The following TEK variants were observed in gnomAD, a reference collection of about 807,000 sequenced individuals.
The protein encoded by TEK is angiopoietin-1 receptor.
In TEK, 43 loss-of-function variants were observed where a neutral mutation model predicts 131.8. The ratio of observed to expected loss-of-function variants is 0.33; its 90% CI spans 0.26 to 0.42. The LOEUF (loss-of-function observed/expected upper bound fraction) is 0.42. Among genes scored for constraint, TEK ranks in the 10% least tolerant of loss-of-function variants. TEK has a pLI of 1.00. For missense variants in TEK, 1,162 were observed against 1,384.4 expected, an observed-to-expected ratio of 0.84 and a Z score of 2.55; for synonymous variants, 580 against 491.6, an observed-to-expected ratio of 1.18 and a Z score of -2.38.
At chr9:27,187,814 G>A (rs1173921070) in intron 9 of TEK, among the ~76,000 whole-genome samples, 1 of 152,008 alleles carries the variant, frequency 6.6e-6, no homozygotes, top group South Asian at 2.1e-4. Flanking sequence ...CAGGTACAGG[G>A]TCTTCCCTTT....
In TEK at chr9:27,172,767, A is replaced by G; in HGVS notation, c.760+20A>G. ...AGAAGGGTAAGTAAAGAGACTTGAT[A>G]AGTAAGCTGTGGATTTAAAAAGCCA... On this transcript the variant is annotated intron_variant, in intron 5 of 22. Coordinates refer to ENST00000380036, the MANE Select transcript of TEK (RefSeq NM_000459.5). 1 of 1,612,900 alleles carries G rather than the reference A, an allele frequency of 6.2e-7. No homozygotes were observed. Among genetic ancestry groups the G allele is most frequent in the Non-Finnish European group, 8.5e-7 (1 of 1,179,262 alleles).
chr9:27,211,867 G>C (rs36080066), intron 16 of TEK, among the ~76,000 whole-genome samples: 49,814 of 151,412 alleles, frequency 0.33, 9,057 homozygotes, highest in East Asian at 0.58. Flanking sequence ...TACATTTTTA[G>C]TAGGTATAAA....
At chr9:27,225,589 C>T (rs1587058054) in intron 21 of TEK, among the ~76,000 whole-genome samples, 2 of 152,246 alleles carry the variant, frequency 1.3e-5, no homozygotes, top group East Asian at 1.9e-4. Context: ...AAAATTAACT[C>T]GAGATGGATT....
intron 1 of TEK, among the ~76,000 whole-genome samples, chr9:27,118,453 A>G (rs1821652582): frequency 6.6e-6 from 1 of 152,194 alleles, no homozygotes; most frequent in Non-Finnish European, 1.5e-5. Flanking sequence ...TGGGCAATAT[A>G]GGGAGACCCA....
At position 27,173,509 on chromosome 9, in the gene TEK, C is replaced by T. The variant is rs1824043038; in HGVS notation, c.901+147C>T. ...CAGGATTTTGAATCATGGATGTTTA[C>T]ATCCAATGTTAATTATACTTTCACA... On this transcript the variant is annotated intron_variant, in intron 6 of 22. Coordinates refer to ENST00000380036, the MANE Select transcript of TEK (RefSeq NM_000459.5). The T allele has an allele frequency of 3.1e-6, 3 of 976,910 alleles. No individual in the cohort carries two copies. In the South Asian group the frequency reaches 4.0e-5, roughly 13 times the overall value. 60.5% of individuals were successfully genotyped at this position (976,910 alleles called of 1,614,324 possible). A position where few individuals can be genotyped will look rare whatever the true frequency, so the allele number is the denominator to read the frequency against.
At position 27,172,098 on chromosome 9, in the gene TEK, C is replaced by T. The variant is rs73427104; in HGVS notation, c.629-518C>T. ...TGACACCAATGTGCACAGATTACTA[C>T]GCCACTTCTAGAATTTCTCATTCAG... On this transcript the variant is annotated intron_variant, in intron 4 of 22. Transcript: ENST00000380036. Among the ~76,000 whole-genome samples the T allele has an allele frequency of 6.6e-5, 10 of 152,300 alleles. 1 individual carries two copies. Among genetic ancestry groups the T allele is most frequent in the South Asian group, 4.1e-4 (2 of 4,826 alleles).
chr9:27,186,626 C>T (rs1824608541), intron 9 of TEK, among the ~76,000 whole-genome samples: 1 of 152,182 alleles, frequency 6.6e-6, no homozygotes, highest in Admixed American at 6.6e-5. Context: ...TAGTATTAAA[C>T]CTGGATCTTC....
chr9:27,192,944 A>T (rs1379628733), intron 11 of TEK, among the ~76,000 whole-genome samples: 2 of 152,194 alleles, frequency 1.3e-5, no homozygotes, highest in Admixed American at 6.5e-5. Flanking sequence ...CACAGCAGCA[A>T]CTGTGCTGAG....
At chr9:27,140,660 AATTATT>A (rs2131084892) in intron 1 of TEK, among the ~76,000 whole-genome samples, 1 of 152,154 alleles carries the variant, frequency 6.6e-6, no homozygotes, top group African/African-American at 2.4e-5. Context: ...ATATCTTTAT[AATTATT>A]TAAATGTTAT....
chr9:27,186,686 C>G (rs1824610243), intron 9 of TEK, among the ~76,000 whole-genome samples: 1 of 152,190 alleles, frequency 6.6e-6, no homozygotes, highest in South Asian at 2.1e-4. Flanking sequence ...CTTTCTGAGT[C>G]TCTTGTGTTA....
chr9:27,185,765 T>C, intron 9 of TEK, 136 bp downstream of exon 9: 1 of 1,167,878 alleles, frequency 8.6e-7, no homozygotes, highest in South Asian at 1.3e-5. Context: ...TTTAAAAAAT[T>C]ATATGCATGA....
At chr9:27,124,408 G>A (rs56300317) in intron 1 of TEK, among the ~76,000 whole-genome samples, 15,214 of 152,192 alleles carry the variant, frequency 0.1, 918 homozygotes, top group African/African-American at 0.15. Flanking sequence ...TTGGATCAGC[G>A]GATCACTCAG....
intron 2 of TEK, among the ~76,000 whole-genome samples, chr9:27,166,521 C>T (rs1209636980): frequency 2.6e-5 from 4 of 152,162 alleles, no homozygotes; most frequent in Admixed American, 1.3e-4. Flanking sequence ...GAACATGACA[C>T]GTGAATAAAA....
chr9:27,186,472 A>G (rs1437457262), intron 9 of TEK, among the ~76,000 whole-genome samples: 1 of 152,164 alleles, frequency 6.6e-6, no homozygotes, highest in African/African-American at 2.4e-5. Flanking sequence ...TTAGAGAATA[A>G]TGAGAAGAAA....
intron 13 of TEK, among the ~76,000 whole-genome samples, chr9:27,204,435 A>G (rs941595541): frequency 1.3e-5 from 2 of 151,974 alleles, no homozygotes; most frequent in African/African-American, 4.8e-5. Context: ...GGTTTTCTTC[A>G]TTAACTCATT....
In TEK at chr9:27,209,185, A is replaced by G; in HGVS notation, c.2640A>G (p.Gly880=). The change falls in exon 16 of 23, where the codon GGA becomes GGG. Residue 880 remains glycine, a synonymous_variant. Coordinates refer to ENST00000380036, the MANE Select transcript of TEK (RefSeq NM_000459.5). The stretch of plus-strand genomic sequence containing the variant: ...AACTGGAAGTTCTTTGTAAACTTGG[A>G]CACCATCCAAACATCATCAATCTCT... ...AGELEVLCKL[G]HHPNIINLLG... is the part of the protein sequence containing the mutation. 6.2e-7 allele frequency: 1 copy of G among 1,614,098 alleles called. No homozygotes were observed. The highest frequency in any genetic ancestry group is 8.5e-7 in the Non-Finnish European group (1 of 1,179,954).
rs1244369053 is a variant in TEK at position 27,172,603 on chromosome 9, T to C, written c.629-13T>C. On this transcript the variant is annotated splice_polypyrimidine_tract_variant and intron_variant, in intron 4 of 22. Transcript: ENST00000380036. ...CGCTCTACTCACCACAGCCTTGTTT[T>C]CCTTAACAAAAGGATGTGAAGCCCA... 7 of 1,613,246 alleles carry C rather than the reference T, an allele frequency of 4.3e-6. No homozygotes were observed. The Admixed American group carries it at 6.7e-5, about 15-fold the overall frequency.
chr9:27,168,294 C>T (rs1823815064), intron 2 of TEK, among the ~76,000 whole-genome samples: 1 of 152,148 alleles, frequency 6.6e-6, no homozygotes, highest in South Asian at 2.1e-4. Context: ...AAGGAAGTGA[C>T]CATCCCTTTC....
At chr9:27,162,129 G>A (rs996558230) in intron 2 of TEK, among the ~76,000 whole-genome samples, 1 of 152,198 alleles carries the variant, frequency 6.6e-6, no homozygotes, top group African/African-American at 2.4e-5. Context: ...TGAGGAAAGT[G>A]AAATCCTTTA....
Sources: allele counts gnomAD v4.1 joint callset (sites outside exome capture counted in the v4.1 genomes callset), GRCh38; gene constraint gnomAD v4.1.1; transcripts MANE v1.5; gene names NCBI Gene and HGNC (gene_info 2026-07-23, HGNC 2026-07-21).